Variants in CNTN5 observed in about 807,000 individuals in gnomAD.
CNTN5 encodes the protein contactin-5.
CNTN5 carries 77 observed loss-of-function variants against 129.1 expected under a neutral mutation model. That is an observed-to-expected ratio of 0.60 (90% CI 0.50 to 0.72). CNTN5 has a LOEUF of 0.72. Ranked by LOEUF, CNTN5 falls within the 30% of genes least tolerant of loss-of-function variation. The pLI is 0.00. For missense variants in CNTN5, 1,478 were observed against 1,328.8 expected (o/e 1.11, Z -1.75); for synonymous variants, 509 against 465.6 (o/e 1.09, Z -1.20).
chr11:99,175,269 G>A (rs375209069), intron 1 of CNTN5, among the ~76,000 whole-genome samples: 1 of 151,948 alleles, frequency 6.6e-6, no homozygotes, highest in African/African-American at 2.4e-5. Flanking sequence ...AAAATAAATA[G>A]GGTTTATTAC....
intron 2 of CNTN5, among the ~76,000 whole-genome samples, chr11:99,481,413 GT>G (rs1167823246): frequency 6.6e-6 from 1 of 151,960 alleles, no homozygotes; most frequent in African/African-American, 2.4e-5. Flanking sequence ...TTTTTGTTCT[GT>G]TTTTCTCCAA....
chr11:99,324,921 G>A (rs1865719660), intron 1 of CNTN5, among the ~76,000 whole-genome samples: 1 of 152,118 alleles, frequency 6.6e-6, no homozygotes, highest in African/African-American at 2.4e-5. Flanking sequence ...GATTACAGGT[G>A]TGAGCCACTG....
At chr11:99,075,900 G>A (rs918213368) in intron 1 of CNTN5, among the ~76,000 whole-genome samples, 2 of 152,140 alleles carry the variant, frequency 1.3e-5, no homozygotes, top group Non-Finnish European at 2.9e-5. Context: ...ACAGACGTTT[G>A]AACTAAAATA....
intron 9 of CNTN5, among the ~76,000 whole-genome samples, chr11:100,044,234 G>T (rs1030670240): frequency 9.2e-5 from 14 of 151,804 alleles, no homozygotes; most frequent in Non-Finnish European, 1.9e-4. Context: ...AGTCATTAAT[G>T]GATACTCAGG....
intron 1 of CNTN5, among the ~76,000 whole-genome samples, chr11:99,295,774 G>T (rs1864355608): frequency 6.6e-6 from 1 of 151,554 alleles, no homozygotes; most frequent in Non-Finnish European, 1.5e-5. Context: ...TACTGGGGAG[G>T]CTGAGGCAGG....
chr11:99,784,302 C>T (rs563191360), intron 3 of CNTN5, among the ~76,000 whole-genome samples: 8 of 152,146 alleles, frequency 5.3e-5, no homozygotes, highest in Admixed American at 2.6e-4. Context: ...CTCCCTTAGC[C>T]CCCCACCCCC....
intron 13 of CNTN5, among the ~76,000 whole-genome samples, chr11:100,157,517 A>C (rs1947289486): frequency 6.6e-6 from 1 of 151,734 alleles, no homozygotes; most frequent in African/African-American, 2.4e-5. Context: ...TTGTAAAAAA[A>C]AAAAATCCCA....
chr11:99,666,604 C>T (rs1017510308), intron 3 of CNTN5, among the ~76,000 whole-genome samples: 22 of 152,116 alleles, frequency 1.4e-4, no homozygotes, highest in Admixed American at 3.3e-4. Context: ...TGACAAGCTC[C>T]GAAACAGTCT....
intron 1 of CNTN5, among the ~76,000 whole-genome samples, chr11:99,226,289 C>A (rs1253726656): frequency 2.0e-5 from 3 of 152,066 alleles, no homozygotes; most frequent in Non-Finnish European, 2.9e-5. Context: ...TCTTTAGGAT[C>A]CCCCTTCACA....
At chr11:99,156,187 A>T (rs1310480914) in intron 1 of CNTN5, among the ~76,000 whole-genome samples, 1 of 152,060 alleles carries the variant, frequency 6.6e-6, no homozygotes, top group Non-Finnish European at 1.5e-5. Flanking sequence ...AATAATAAAA[A>T]GATTGTATAA....
At chr11:99,932,498 G>C (rs1950215687) in intron 7 of CNTN5, among the ~76,000 whole-genome samples, 1 of 152,064 alleles carries the variant, frequency 6.6e-6, no homozygotes, top group African/African-American at 2.4e-5. Flanking sequence ...CAGTCAACTT[G>C]TATCATTTTT....
chr11:100,037,772 T>G (rs1237024199), intron 9 of CNTN5, among the ~76,000 whole-genome samples: 2 of 152,188 alleles, frequency 1.3e-5, no homozygotes, highest in African/African-American at 4.8e-5. Context: ...GTTTATAGTA[T>G]TCTCTGATGG....
At chr11:99,807,193 G>T (rs970005589) in intron 3 of CNTN5, among the ~76,000 whole-genome samples, 1 of 152,028 alleles carries the variant, frequency 6.6e-6, no homozygotes, top group African/African-American at 2.4e-5. Flanking sequence ...TAATAAAATG[G>T]TATGCAAAAT....
At chr11:99,132,356 C>T (rs1055360537) in intron 1 of CNTN5, among the ~76,000 whole-genome samples, 1 of 152,134 alleles carries the variant, frequency 6.6e-6, no homozygotes, top group Non-Finnish European at 1.5e-5. Flanking sequence ...GACAAGGATG[C>T]CCTCTCTCAC....
intron 2 of CNTN5, among the ~76,000 whole-genome samples, chr11:99,459,736 A>G (rs1944623312): frequency 6.6e-6 from 1 of 152,062 alleles, no homozygotes; most frequent in Non-Finnish European, 1.5e-5. Flanking sequence ...TGGATAAGAA[A>G]GCAATGAAAT....
At chr11:100,274,164 GCCATATGCAGAAGATTGAAA>G (rs1950458898) in intron 18 of CNTN5, among the ~76,000 whole-genome samples, 1 of 152,174 alleles carries the variant, frequency 6.6e-6, no homozygotes, top group Non-Finnish European at 1.5e-5. Flanking sequence ...TAACTGGCTA[GCCATATGCAGAAGATTGAAA>G]CTGGACCACT....
chr11:99,589,929 G>C lies in CNTN5; in HGVS notation c.55+33660G>C, dbSNP rs989031432. Among the ~76,000 whole-genome samples the C allele has an allele frequency of 2.0e-5, 3 of 152,274 alleles. No homozygotes were observed. In the South Asian group the frequency reaches 6.2e-4, roughly 32 times the overall value. On this transcript the variant is annotated intron_variant, in intron 3 of 24. Coordinates refer to ENST00000524871, the MANE Select transcript of CNTN5 (RefSeq NM_014361.4). The stretch of plus-strand genomic sequence containing the variant: ...TGAGTAATACAAGATGTGTCATATT[G>C]TATGCAGTGCATCCACACACTATCT...
intron 18 of CNTN5, among the ~76,000 whole-genome samples, chr11:100,293,618 A>G (rs1565407652): frequency 1.3e-5 from 2 of 151,778 alleles, no homozygotes. Flanking sequence ...AATAACCTTA[A>G]GAAACAGGTA....
At chr11:100,092,710 T>TC (rs1170900244) in intron 13 of CNTN5, among the ~76,000 whole-genome samples, 3 of 152,186 alleles carry the variant, frequency 2.0e-5, no homozygotes, top group Non-Finnish European at 4.4e-5. Context: ...ACTGTGCTCT[T>TC]CCCCCATACT....
Sources: gnomAD v4.1 joint callset for allele counts (sites outside exome capture counted in the v4.1 genomes callset) on GRCh38, gnomAD v4.1.1 for gene constraint, MANE v1.5 for transcripts, NCBI Gene and HGNC (gene_info 2026-07-23, HGNC 2026-07-21) for gene names.